Variants in SLC39A11 observed in about 807,000 individuals in gnomAD.
SLC39A11 encodes the protein zinc transporter ZIP11.
In SLC39A11, 33 loss-of-function variants were observed where a neutral mutation model predicts 36.1. That is an observed-to-expected ratio of 0.91 (90% CI 0.69 to 1.22). The LOEUF is 1.22. SLC39A11 is among the 50% of genes most tolerant of loss of function. SLC39A11 has a pLI of 0.00. For missense variants in SLC39A11, 432 were observed against 430.3 expected (o/e 1.00, Z -0.03); for synonymous variants, 166 against 170.3 (o/e 0.97, Z 0.20).
intron 5 of SLC39A11, among the ~76,000 whole-genome samples, chr17:72,921,256 C>T (rs907909051): frequency 2.0e-5 from 3 of 152,150 alleles, no homozygotes; most frequent in African/African-American, 7.2e-5. Flanking sequence ...TGATGCTGCA[C>T]TTAGGGTCAG....
chr17:72,796,634 C>T (rs979235589), intron 6 of SLC39A11, among the ~76,000 whole-genome samples: 3 of 152,102 alleles, frequency 2.0e-5, no homozygotes, highest in Non-Finnish European at 4.4e-5. Context: ...GCTGAAAAAA[C>T]GAGACCTAGG....
chr17:72,653,854 T>C lies in SLC39A11; in HGVS notation c.672-4586A>G, dbSNP rs561795471. 3.9e-5 allele frequency among the ~76,000 whole-genome samples: 6 copies of C among 152,224 alleles called. No individual in the cohort carries two copies. The South Asian group carries it at 1.2e-3, about 32-fold the overall frequency. On this transcript the variant is annotated intron_variant, in intron 7 of 9. Transcript: ENST00000255559. ...TTTACACTTCCCTGAGAAGTGCTTC[T>C]AGGAGGTGAGGCCCTGGGCAGGAAG...
chr17:73,031,738 A>G (rs756931771), intron 3 of SLC39A11, 24 bp from the exon 4 acceptor site: 12 of 1,611,264 alleles, frequency 7.4e-6, no homozygotes, highest in Non-Finnish European at 1.0e-5. Context: ...AACGAGAGAT[A>G]AACGTTAAAG....
At chr17:72,729,433 ATATATATATATATATATATATATATTTT>A (rs1358008005) in intron 7 of SLC39A11, among the ~76,000 whole-genome samples, 44 of 2,394 alleles carry the variant, frequency 0.018, 3 homozygotes, top group South Asian at 0.062. Context: ...ATATATATAT[ATATATATATATATATATATATATATTTT>A]TTTTTTTTTT....
intron 7 of SLC39A11, among the ~76,000 whole-genome samples, chr17:72,650,392 A>G (rs2069794840): frequency 6.6e-6 from 1 of 152,250 alleles, no homozygotes; most frequent in African/African-American, 2.4e-5. Context: ...GTATTTAGCC[A>G]TGGAGACAAC....
At chr17:72,721,480 C>G (rs1313883215) in intron 7 of SLC39A11, among the ~76,000 whole-genome samples, 1 of 152,124 alleles carries the variant, frequency 6.6e-6, no homozygotes, top group African/African-American at 2.4e-5. Context: ...AAACAGGGCT[C>G]ATCTTGGGTC....
chr17:72,714,884 A>C (rs944159296), intron 7 of SLC39A11, among the ~76,000 whole-genome samples: 24 of 152,244 alleles, frequency 1.6e-4, no homozygotes, highest in Non-Finnish European at 2.6e-4. Context: ...TGTGAAGCTA[A>C]TAGTGAGAGG....
chr17:72,782,557 C>T (rs2567525), intron 6 of SLC39A11, among the ~76,000 whole-genome samples: 3,237 of 151,778 alleles, frequency 0.021, 79 homozygotes, highest in African/African-American at 0.058. Flanking sequence ...GGTGTGGTGG[C>T]GTACAGTTAT....
At chr17:72,740,347 A>G (rs562554967) in intron 6 of SLC39A11, among the ~76,000 whole-genome samples, 31 of 152,004 alleles carry the variant, frequency 2.0e-4, no homozygotes, top group East Asian at 1.2e-3. Flanking sequence ...TTACAGGCGT[A>G]AGCCACCGCG....
intron 7 of SLC39A11, among the ~76,000 whole-genome samples, chr17:72,675,036 T>G: frequency 6.6e-6 from 1 of 151,828 alleles, no homozygotes; most frequent in Non-Finnish European, 1.5e-5. Flanking sequence ...GAGAGAAAGT[T>G]TATCCATCTA....
chr17:72,673,012 T>C (rs570486725), intron 7 of SLC39A11, among the ~76,000 whole-genome samples: 1 of 152,306 alleles, frequency 6.6e-6, no homozygotes, highest in East Asian at 1.9e-4. Flanking sequence ...AGAAAAAGAC[T>C]TTATGGCCCA....
At chr17:72,953,694 C>A (rs1264453162) in intron 4 of SLC39A11, among the ~76,000 whole-genome samples, 1 of 152,244 alleles carries the variant, frequency 6.6e-6, no homozygotes, top group Non-Finnish European at 1.5e-5. Flanking sequence ...GAACCGCAGA[C>A]CCTGCAGCCC....
chr17:72,912,900 C>T (rs975777169), intron 5 of SLC39A11, among the ~76,000 whole-genome samples: 10 of 152,144 alleles, frequency 6.6e-5, no homozygotes, highest in Non-Finnish European at 1.0e-4. Flanking sequence ...CATTGGCAAT[C>T]GGCTCAAGAG....
intron 7 of SLC39A11, among the ~76,000 whole-genome samples, chr17:72,697,742 AC>A (rs1567957865): frequency 1.9e-5 from 2 of 105,704 alleles, no homozygotes; most frequent in Non-Finnish European, 4.1e-5. Context: ...AGAACCCCCC[AC>A]CCCCGCCCCG....
At chr17:72,991,736 TACTG>T (rs1335658054) in intron 4 of SLC39A11, among the ~76,000 whole-genome samples, 5 of 152,368 alleles carry the variant, frequency 3.3e-5, no homozygotes, top group Non-Finnish European at 5.9e-5. Context: ...TTCATTCTTC[TACTG>T]ACTGATAATG....
rs535289260 is a variant in SLC39A11, at chr17:73,021,684, A to G, written c.306+9872T>C. On this transcript the variant is annotated intron_variant, in intron 4 of 9. Transcript: ENST00000255559. Reference sequence around the variant, plus strand: ...CCACCCTCGGCTATCGACTGGTTCAATATGCTTCCACGGTGGCTTCTGGGC... The same window carrying G: ...CCACCCTCGGCTATCGACTGGTTCAGTATGCTTCCACGGTGGCTTCTGGGC... 5.3e-5 allele frequency among the ~76,000 whole-genome samples: 8 copies of G among 152,262 alleles called. No individual in the cohort carries two copies. The East Asian group carries it at 1.3e-3, about 26-fold the overall frequency.
chr17:72,956,423 T>C (rs28711891), intron 4 of SLC39A11, among the ~76,000 whole-genome samples: 414 of 152,304 alleles, frequency 2.7e-3, no homozygotes, highest in Non-Finnish European at 4.9e-3. Flanking sequence ...GCCCTGAGCT[T>C]GTATTCCAAA....
In SLC39A11 at chr17:72,938,457, C is replaced by T. The variant is rs572517582; in HGVS notation, c.430+9295G>A. ...ACAGGCTCAAATCCAGCCTTCTGTTCCTTATTAGGCACTTTTAGTAACAGG... is the reference window on the plus strand; with the variant it reads ...ACAGGCTCAAATCCAGCCTTCTGTTTCTTATTAGGCACTTTTAGTAACAGG... On this transcript the variant is annotated intron_variant, in intron 5 of 9. Transcript: ENST00000255559. 2.4e-4 allele frequency among the ~76,000 whole-genome samples: 36 copies of T among 152,300 alleles called. 1 individual carries two copies. The South Asian group carries it at 6.9e-3, about 29-fold the overall frequency.
chr17:72,876,588 A>G (rs1281627284), intron 5 of SLC39A11, among the ~76,000 whole-genome samples: 3 of 152,186 alleles, frequency 2.0e-5, no homozygotes, highest in African/African-American at 7.2e-5. Flanking sequence ...CCTAGATAGT[A>G]TCATGGAGCT....
Sources: gnomAD v4.1 joint callset for allele counts (sites outside exome capture counted in the v4.1 genomes callset) on GRCh38, gnomAD v4.1.1 for gene constraint, MANE v1.5 for transcripts, NCBI Gene and HGNC (gene_info 2026-07-23, HGNC 2026-07-21) for gene names.